Variants in VSIG8 observed in about 807,000 individuals in gnomAD.
The protein encoded by VSIG8 is V-set and immunoglobulin domain-containing protein 8.
In VSIG8, 32 loss-of-function variants were observed where a neutral mutation model predicts 42.6. The observed-to-expected ratio is 0.75, with a 90% CI of 0.57 to 1.01. The LOEUF is 1.01. VSIG8 is among the 50% of genes least tolerant of loss of function. The probability of loss-of-function intolerance (pLI) is 0.00; values close to 1 mark genes in which losing one functional copy is unlikely to be tolerated. For synonymous variants in VSIG8, 290 were observed against 243.8 expected (o/e 1.19, Z -1.77); for missense variants, 529 against 558.0 (o/e 0.95, Z 0.52).
At chr1:159,860,386 G>C (rs78899820) in intron 1 of VSIG8, among the ~76,000 whole-genome samples, 6,962 of 152,280 alleles carry the variant, frequency 0.046, 250 homozygotes, top group African/African-American at 0.099. Context: ...CACCCACCGT[G>C]TGTTCATATA....
intron 1 of VSIG8, among the ~76,000 whole-genome samples, chr1:159,860,219 GC>G (rs948305583): frequency 7.9e-5 from 12 of 152,098 alleles, no homozygotes; most frequent in African/African-American, 2.9e-4. Context: ...ACCATCACAG[GC>G]AAACAAATCG....
chr1:159,854,975 G>T lies in VSIG8; in HGVS notation c.1023C>A (p.Val341=). The change falls in exon 7 of 7, where the codon GTC becomes GTA. Residue 341 remains valine (V), a synonymous_variant. Transcript: ENST00000368100. ...GCKASGRGSR[V]THLLGYPTQN... ...GCGTCGGGTACCCCAGGAGGTGGGTGACGCGGCTGCCGCGCCCGCTGGCCT... is the reference window on the plus strand; with the variant it reads ...GCGTCGGGTACCCCAGGAGGTGGGTTACGCGGCTGCCGCGCCCGCTGGCCT... The T allele has an allele frequency of 6.4e-7, 1 of 1,552,962 alleles. No individual in the cohort carries two copies. The highest frequency in any genetic ancestry group is 1.9e-5 in the Admixed American group (1 of 53,430).
At chr1:159,856,727 A>T in intron 4 of VSIG8, 84 bp from the exon 5 acceptor site, 1 of 1,547,520 alleles carries the variant, frequency 6.5e-7, no homozygotes, top group East Asian at 2.3e-5. Context: ...TGGGACACCC[A>T]CTCTAGAAGA....
intron 1 of VSIG8, chr1:159,862,069 G>A (rs10443908): frequency 9.9e-6 from 2 of 201,714 alleles, no homozygotes; most frequent in South Asian, 1.8e-4. Context: ...CACACAGTCT[G>A]ATGAAAATTG....
chr1:159,855,008 G>A lies in VSIG8; in HGVS notation c.990C>T (p.Pro330=). The change falls in exon 7 of 7, where the codon CCC becomes CCT. Residue 330 remains proline, a synonymous_variant. Coordinates refer to ENST00000368100, the MANE Select transcript of VSIG8 (RefSeq NM_001013661.1). The part of the protein sequence containing the change: ...ASEIREDAVA[P]GCKASGRGSR... ...TGCCGCGCCCGCTGGCCTTGCACCC[G>A]GGCGCCACGGCGTCCTCTCTGTGGA... is the stretch of plus-strand genomic sequence containing the variant. 2 of 1,567,914 alleles carry A rather than the reference G, an allele frequency of 1.3e-6. No individual in the cohort carries two copies. Among genetic ancestry groups the A allele is most frequent in the Non-Finnish European group, 8.6e-7 (1 of 1,160,640 alleles).
At chr1:159,857,647 T>G (rs1047010098) in intron 4 of VSIG8, 98 bp downstream of exon 4, 11 of 952,468 alleles carry the variant, frequency 1.2e-5, no homozygotes, top group Middle Eastern at 3.0e-4. Flanking sequence ...ATTCCAGGTT[T>G]GATTTGATGG....
At chr1:159,857,556 C>T (rs1050684285) in intron 4 of VSIG8, among the ~76,000 whole-genome samples, 189 bp downstream of exon 4, 10 of 136,850 alleles carry the variant, frequency 7.3e-5, no homozygotes, top group African/African-American at 2.4e-4. Flanking sequence ...GCTTGGGCAA[C>T]AAGAGCGAAA....
At position 159,854,842 on chromosome 1, in the gene VSIG8, G is replaced by A. The variant is rs1035217306; in HGVS notation, c.1156C>T (p.Pro386Ser). 9 of 1,486,366 alleles carry A rather than the reference G, an allele frequency of 6.1e-6. No individual in the cohort carries two copies. The highest frequency in any genetic ancestry group is 5.6e-5 in the East Asian group (2 of 35,416). 92.1% of individuals were successfully genotyped at this position (1,486,366 alleles called of 1,614,324 possible). The change falls in exon 7 of 7, where the codon CCC becomes TCC. Residue 386 changes from proline to serine, a missense_variant. Transcript: ENST00000368100. ...TTGACCTTGACGTAGACCGGGGAGGGGCCCGCTTCGCAGGCGGCGGCGGCG... is the reference window on the plus strand; with the variant it reads ...TTGACCTTGACGTAGACCGGGGAGGAGCCCGCTTCGCAGGCGGCGGCGGCG... The part of the protein sequence containing the change: ...CTAAAACEAG[P>S]SPVYVKVKSA...
chr1:159,860,627 C>T (rs1648989711), intron 1 of VSIG8: 1 of 152,302 alleles, frequency 6.6e-6, no homozygotes, highest in Admixed American at 6.5e-5. Context: ...CTAACGGGAC[C>T]TAGTGATGCC....
In VSIG8 at chr1:159,856,571, G is replaced by A; in HGVS notation, c.725C>T (p.Ala242Val). The A allele has an allele frequency of 1.9e-6, 3 of 1,614,148 alleles. No individual in the cohort carries two copies. Among genetic ancestry groups the A allele is most frequent in the Non-Finnish European group, 2.5e-6 (3 of 1,180,020 alleles). ...ADDGLYQCTVANNVGYSVCVV... is the reference protein window; with the variant it reads ...ADDGLYQCTVVNNVGYSVCVV... ...ACAAACACTGTAGCCCACGTTGTTG[G>A]CCACTGTGCACTGATACAGCCCATC... Residue 242 changes from alanine (A) to valine (V), a missense_variant, in exon 5 of 7, where the codon GCC (alanine) becomes GTC (valine). By Grantham distance (64) the Ala-to-Val change is moderately conservative. Transcript: ENST00000368100.
intron 4 of VSIG8, among the ~76,000 whole-genome samples, chr1:159,857,342 G>C (rs923579804): frequency 6.6e-6 from 1 of 152,162 alleles, no homozygotes; most frequent in African/African-American, 2.4e-5. Context: ...GGGAGGCCAA[G>C]GCGGGCGGAT....
intron 4 of VSIG8, 66 bp from the exon 5 acceptor site, chr1:159,856,709 G>A (rs907370955): frequency 2.2e-5 from 35 of 1,587,670 alleles, no homozygotes; most frequent in Non-Finnish European, 2.8e-5. Flanking sequence ...TCCCTGTGGG[G>A]TGGGGGATGG....
chr1:159,859,041 G>A (rs1177804328), intron 1 of VSIG8, 129 bp from the exon 2 acceptor site: 1 of 954,228 alleles, frequency 1.0e-6, no homozygotes, highest in Admixed American at 2.8e-5. Context: ...TCATAAAAAG[G>A]AGGGCTGCTC....
chr1:159,857,348 C>A (rs1361767633), intron 4 of VSIG8, among the ~76,000 whole-genome samples: 1 of 152,100 alleles, frequency 6.6e-6, no homozygotes, highest in Non-Finnish European at 1.5e-5. Flanking sequence ...CCAAGGCGGG[C>A]GGATCGCCTG....
Position 159,855,982 on chromosome 1 carries a change from C to T in VSIG8, c.872G>A (p.Cys291Tyr), listed in dbSNP as rs2101827527. The T allele has an allele frequency of 6.2e-7, 1 of 1,600,168 alleles. No individual in the cohort carries two copies. The highest frequency in any genetic ancestry group is 2.3e-5 in the East Asian group (1 of 44,158). ...VGIWGLVCCC[C>Y]GGSGAGGARG... ...GGCGCCGCCAGCCCCGGAGCCCCCG[C>T]AGCAGCAGCAGACGAGCCCCCAGAT... is the stretch of plus-strand genomic sequence containing the variant. Residue 291 changes from cysteine (C) to tyrosine (Y), a missense_variant, in exon 6 of 7, where the codon TGC (cysteine) becomes TAC (tyrosine). Physicochemically the swap from Cys to Tyr is radical, Grantham distance 194 (BLOSUM62 -2). Coordinates refer to ENST00000368100, the MANE Select transcript of VSIG8 (RefSeq NM_001013661.1).
At chr1:159,862,385 GC>G in intron 1 of VSIG8, 87 bp downstream of exon 1, 2 of 1,440,270 alleles carry the variant, frequency 1.4e-6, no homozygotes, top group East Asian at 2.4e-5. Context: ...AACTCAGGCA[GC>G]CCCAGGCTCC....
rs1002229367 is a variant in VSIG8, at chr1:159,854,979, C to T, written c.1019G>A (p.Arg340His). The change falls in exon 7 of 7, where the codon CGC (arginine) becomes CAC (histidine). Residue 340 changes from arginine to histidine, a missense_variant. Coordinates refer to ENST00000368100, the MANE Select transcript of VSIG8 (RefSeq NM_001013661.1). Reference sequence around the variant, plus strand: ...CGGGTACCCCAGGAGGTGGGTGACGCGGCTGCCGCGCCCGCTGGCCTTGCA... The same window carrying T: ...CGGGTACCCCAGGAGGTGGGTGACGTGGCTGCCGCGCCCGCTGGCCTTGCA... ...PGCKASGRGS[R>H]VTHLLGYPTQ... 1.3e-6 allele frequency: 2 copies of T among 1,553,840 alleles called. No homozygotes were observed. The highest frequency in any genetic ancestry group is 1.7e-6 in the Non-Finnish European group (2 of 1,156,520).
intron 1 of VSIG8, chr1:159,861,029 C>T (rs1427021850): frequency 6.6e-6 from 1 of 152,310 alleles, no homozygotes; most frequent in African/African-American, 2.4e-5. Flanking sequence ...ACCCCTCCCT[C>T]TCCTTGGGAA....
At position 159,858,914 on chromosome 1, in the gene VSIG8, TA is replaced by T. The variant is rs777841781; in HGVS notation, c.50-3del. 5.1e-5 allele frequency: 82 copies of T among 1,611,390 alleles called. No individual in the cohort carries two copies. Among genetic ancestry groups the T allele is most frequent in the African/African-American group, 8.0e-5 (6 of 74,768 alleles). ...TGATCCGCACAGCAGACAGCAGTGCTAGGGGGAGGGCAGAGAAGATGGGGTG... is the reference window on the plus strand; with the variant it reads ...TGATCCGCACAGCAGACAGCAGTGCTGGGGGAGGGCAGAGAAGATGGGGTG... On this transcript the variant is annotated splice_region_variant and splice_polypyrimidine_tract_variant and intron_variant, in intron 1 of 6. Coordinates refer to ENST00000368100, the MANE Select transcript of VSIG8 (RefSeq NM_001013661.1).
Sources: gnomAD v4.1 joint callset for allele counts (sites outside exome capture counted in the v4.1 genomes callset) on GRCh38, gnomAD v4.1.1 for gene constraint, MANE v1.5 for transcripts, NCBI Gene and HGNC (gene_info 2026-07-23, HGNC 2026-07-21) for gene names.